Variants in RIPOR3 observed in about 807,000 individuals in gnomAD.
RIPOR3 encodes RIPOR family member 3.
A neutral mutation model predicts 114.3 loss-of-function variants in RIPOR3; 95 were observed. The ratio of observed to expected loss-of-function variants is 0.83; its 90% CI spans 0.70 to 0.99. The LOEUF is 0.99. RIPOR3 is among the 50% of genes least tolerant of loss of function. The pLI is 0.00. For synonymous variants in RIPOR3, 575 were observed against 543.8 expected (o/e 1.06, Z -0.80); for missense variants, 1,252 against 1,266.9 (o/e 0.99, Z 0.18).
At chr20:50,654,277 C>T (rs1337272616) in intron 1 of RIPOR3, among the ~76,000 whole-genome samples, 1 of 151,068 alleles carries the variant, frequency 6.6e-6, no homozygotes, top group East Asian at 2.0e-4. Flanking sequence ...AGTGATTCTC[C>T]TGCCTCAGCC....
At chr20:50,612,277 C>A (rs10485615) in intron 4 of RIPOR3, among the ~76,000 whole-genome samples, 16,505 of 151,948 alleles carry the variant, frequency 0.11, 1,135 homozygotes, top group East Asian at 0.28. Context: ...TCATCAGGGT[C>A]AAAGTTTTGT....
At chr20:50,680,767 C>T (rs1021177453) in intron 1 of RIPOR3, among the ~76,000 whole-genome samples, 3 of 152,174 alleles carry the variant, frequency 2.0e-5, no homozygotes, top group South Asian at 2.1e-4. Context: ...CCTGCTCCTA[C>T]GAACAGCCTT....
chr20:50,588,689 A>C (rs1447665521), intron 20 of RIPOR3, among the ~76,000 whole-genome samples: 2 of 150,280 alleles, frequency 1.3e-5, no homozygotes, highest in Non-Finnish European at 3.0e-5. Context: ...CTATGAAAGC[A>C]GCTGAGTAGG....
rs552629796 is a variant in RIPOR3, at chr20:50,639,021, A to C, written c.4-8165T>G. Among the ~76,000 whole-genome samples the C allele has an allele frequency of 6.8e-4, 103 of 152,202 alleles. 1 individual carries two copies. In the South Asian group the frequency reaches 0.021, roughly 31 times the overall value. On this transcript the variant is annotated intron_variant, in intron 1 of 21. Coordinates refer to ENST00000327979, the MANE Select transcript of RIPOR3 (RefSeq NM_001290268.2). ...CTTTGGGAGGCCAAGGTGGGTGGAT[A>C]ACTTGAGGTCAGGAGTTTGAAACCA...
rs2084545965 is a variant in RIPOR3, at chr20:50,624,509, G to A, written c.123-4377C>T. On this transcript the variant is annotated intron_variant, in intron 2 of 21. Transcript: ENST00000327979. ...TGCTCCCGGGAAAGCTCTGAGCCTA[G>A]TGCTCCTTGTGTGAGGTTTAACAGG... Among the ~76,000 whole-genome samples, 3 of 152,216 alleles carry A rather than the reference G, an allele frequency of 2.0e-5. No individual in the cohort carries two copies. The South Asian group carries it at 6.2e-4, about 32-fold the overall frequency.
At chr20:50,651,220 C>T (rs1400210628) in intron 1 of RIPOR3, among the ~76,000 whole-genome samples, 1 of 152,050 alleles carries the variant, frequency 6.6e-6, no homozygotes, top group Non-Finnish European at 1.5e-5. Context: ...CTGAAAGCAG[C>T]CCCCCAGTGA....
intron 1 of RIPOR3, among the ~76,000 whole-genome samples, chr20:50,652,610 AAAAG>A (rs1568927466): frequency 6.9e-6 from 1 of 145,414 alleles, no homozygotes; most frequent in Admixed American, 6.7e-5. Context: ...AAAAAAAAAA[AAAAG>A]AAAAGAAAAG....
chr20:50,642,603 C>G (rs1326551349), intron 1 of RIPOR3, among the ~76,000 whole-genome samples: 2 of 151,868 alleles, frequency 1.3e-5, no homozygotes, highest in South Asian at 4.2e-4. Flanking sequence ...CCCCCTCCCC[C>G]CATGAGGCCT....
Position 50,608,513 on chromosome 20 carries a change from C to A in RIPOR3, c.832G>T (p.Gly278Cys). The change falls in exon 11 of 22, where the codon GGC (glycine) becomes TGC (cysteine). Residue 278 changes from glycine to cysteine, a missense_variant. By Grantham distance (159) the Gly-to-Cys change is radical. Coordinates refer to ENST00000327979, the MANE Select transcript of RIPOR3 (RefSeq NM_001290268.2). ...DIKVTELRGLGSLAVGAVTCD... is the reference protein window; with the variant it reads ...DIKVTELRGLCSLAVGAVTCD... ...GTCACTGCACCCACAGCCAGCGAGCCCAGGCCCCGCAACTCCGTCACCTGG... is the reference window on the plus strand; with the variant it reads ...GTCACTGCACCCACAGCCAGCGAGCACAGGCCCCGCAACTCCGTCACCTGG... 1 of 1,613,846 alleles carries A rather than the reference C, an allele frequency of 6.2e-7. No individual in the cohort carries two copies. The highest frequency in any genetic ancestry group is 8.5e-7 in the Non-Finnish European group (1 of 1,179,900).
rs79687598 is a variant in RIPOR3 at position 50,592,884 on chromosome 20, G to A, written c.2374+151C>T. The A allele has an allele frequency of 4.7e-3, 5,047 of 1,068,718 alleles. 117 individuals are homozygous for A. In the African/African-American group the frequency reaches 0.058, roughly 12 times the overall value. The allele number at this position is 1,068,718 out of a possible 1,614,324, so 66.2% of individuals were successfully genotyped here. ...CTTGGAGCTAATATCAGCCCCCATC[G>A]GCTGAACGCAGAATCTCATTAAATC... is the stretch of plus-strand genomic sequence containing the variant. On this transcript the variant is annotated intron_variant, in intron 18 of 21. Transcript: ENST00000327979.
chr20:50,682,632 G>T (rs1458182404), intron 1 of RIPOR3, among the ~76,000 whole-genome samples: 2 of 152,048 alleles, frequency 1.3e-5, no homozygotes, highest in African/African-American at 4.8e-5. Flanking sequence ...GTGTGTGTCT[G>T]CATGTATGTG....
At chr20:50,656,317 A>T (rs2085811574) in intron 1 of RIPOR3, among the ~76,000 whole-genome samples, 2 of 151,978 alleles carry the variant, frequency 1.3e-5, no homozygotes, top group South Asian at 4.2e-4. Context: ...TCATGTCACC[A>T]CTTGGAACCT....
In RIPOR3 at chr20:50,596,191, C is replaced by T; in HGVS notation, c.1863G>A (p.Glu621=). 6.2e-7 allele frequency: 1 copy of T among 1,614,220 alleles called. No individual in the cohort carries two copies. The highest frequency in any genetic ancestry group is 8.5e-7 in the Non-Finnish European group (1 of 1,180,040). The change falls in exon 15 of 22, where the codon GAG becomes GAA. Residue 621 remains glutamate, a synonymous_variant. Coordinates refer to ENST00000327979, the MANE Select transcript of RIPOR3 (RefSeq NM_001290268.2). The part of the protein sequence containing the change: ...SSRELTAGAP[E]LDVLLMVHLQ... ...GGTGTACCATCAGCAGCACGTCCAGCTCTGGGGCACCGGCTGTGAGTTCCC... is the reference window on the plus strand; with the variant it reads ...GGTGTACCATCAGCAGCACGTCCAGTTCTGGGGCACCGGCTGTGAGTTCCC...
intron 13 of RIPOR3, among the ~76,000 whole-genome samples, chr20:50,601,410 C>T: frequency 6.6e-6 from 1 of 152,156 alleles, no homozygotes; most frequent in East Asian, 1.9e-4. Context: ...ACTCTGTTGC[C>T]AGCCTGGGCA....
chr20:50,608,795 C>A, intron 9 of RIPOR3, 57 bp from the exon 10 acceptor site: 1 of 1,611,856 alleles, frequency 6.2e-7, no homozygotes, highest in South Asian at 1.1e-5. Context: ...CCTTGCTGTC[C>A]GCCCAGGGCC....
At chr20:50,604,819 G>A (rs1321580414) in intron 11 of RIPOR3, 45 bp from the exon 12 acceptor site, 1 of 1,594,040 alleles carries the variant, frequency 6.3e-7, no homozygotes, top group South Asian at 1.1e-5. Flanking sequence ...GCACCCAGAG[G>A]CCATTTCAGG....
chr20:50,647,643 C>A (rs377361958), intron 1 of RIPOR3, among the ~76,000 whole-genome samples: 1 of 151,556 alleles, frequency 6.6e-6, no homozygotes, highest in East Asian at 2.0e-4. Context: ...CTACCATGCC[C>A]GGCTAATTTT....
At chr20:50,610,120 CCCGG>C (rs1443072672) in intron 6 of RIPOR3, among the ~76,000 whole-genome samples, 2,286 of 137,160 alleles carry the variant, frequency 0.017, 374 homozygotes, top group African/African-American at 0.06. Context: ...CACCTGCCAC[CCCGG>C]CCTCACCTGC....
At chr20:50,597,385 G>C (rs2083329812) in intron 14 of RIPOR3, 195 bp downstream of exon 14, 3 of 729,232 alleles carry the variant, frequency 4.1e-6, no homozygotes, top group Non-Finnish European at 4.4e-6. Context: ...CCCACTTCGT[G>C]GTCTCTGAGG....
Sources: allele counts gnomAD v4.1 joint callset (sites outside exome capture counted in the v4.1 genomes callset), GRCh38; gene constraint gnomAD v4.1.1; transcripts MANE v1.5; gene names NCBI Gene and HGNC (gene_info 2026-07-23, HGNC 2026-07-21).